ERAP2: variants seen among roughly 807,000 people sequenced by gnomAD.
ERAP2 encodes endoplasmic reticulum aminopeptidase 2, also known as leukocyte-derived arginine aminopeptidase.
A neutral mutation model predicts 111.1 loss-of-function variants in ERAP2; 118 were observed. That is an observed-to-expected ratio of 1.06 (90% CI 0.92 to 1.24). The LOEUF (loss-of-function observed/expected upper bound fraction) is 1.24. Among genes scored for constraint, ERAP2 ranks in the 50% most tolerant of loss-of-function variants. The pLI, the probability that ERAP2 is intolerant of heterozygous loss-of-function variation, is 0.00. For synonymous variants in ERAP2, 410 were observed against 401.2 expected (o/e 1.02, Z -0.26); for missense variants, 1,131 against 1,125.8 (o/e 1.00, Z -0.07).
At chr5:96,907,812 G>A (rs1561393350) in intron 13 of ERAP2, among the ~76,000 whole-genome samples, 1 of 152,004 alleles carries the variant, frequency 6.6e-6, no homozygotes, top group Non-Finnish European at 1.5e-5. Flanking sequence ...GAACCCAGGA[G>A]GCAGAGGTTG....
In ERAP2 at chr5:96,883,893, G is replaced by T. The variant is rs773509300; in HGVS notation, c.677G>T (p.Arg226Ile). The stretch of plus-strand genomic sequence containing the variant: ...GCCAACTTTTCAATCAAGATACGAA[G>T]AGAGAGCAGGCATATTGCACTATCC... ...FKANFSIKIR[R>I]ESRHIALSNM... Residue 226 changes from arginine (R) to isoleucine (I), a missense_variant, in exon 3 of 19, where the codon AGA becomes ATA. Arg to Ile is a moderately conservative substitution (Grantham distance 97). Coordinates refer to ENST00000437043, the MANE Select transcript of ERAP2 (RefSeq NM_022350.5). 3 of 1,613,658 alleles carry T rather than the reference G, an allele frequency of 1.9e-6. No homozygotes were observed. Among genetic ancestry groups the T allele is most frequent in the Non-Finnish European group, 2.5e-6 (3 of 1,179,798 alleles).
At chr5:96,889,363 T>G in intron 5 of ERAP2, 58 bp downstream of exon 5, 1 of 1,572,824 alleles carries the variant, frequency 6.4e-7, no homozygotes, top group African/African-American at 1.3e-5. Flanking sequence ...TGCTTTGATC[T>G]CTTCCCTCTT....
In ERAP2 at chr5:96,912,713, C is replaced by G. The variant is rs144251459; in HGVS notation, c.2431C>G (p.Gln811Glu). ...TTAGWNYLLE[Q>E]YELSMSSAEQ... ...AGCAGGATGGAATTACCTTTTAGAG[C>G]AATATGAACTGTCAATGTCAAGTGC... is the stretch of plus-strand genomic sequence containing the variant. The change falls in exon 16 of 19, where the codon CAA becomes GAA. Residue 811 changes from glutamine (Q) to glutamate (E), a missense_variant. Coordinates refer to ENST00000437043, the MANE Select transcript of ERAP2 (RefSeq NM_022350.5). The G allele has an allele frequency of 1.2e-4, 193 of 1,604,516 alleles. No individual in the cohort carries two copies. Among genetic ancestry groups the G allele is most frequent in the Non-Finnish European group, 1.5e-4 (176 of 1,177,052 alleles).
At chr5:96,902,400 C>T in intron 12 of ERAP2, 47 bp downstream of exon 12, 1 of 1,194,076 alleles carries the variant, frequency 8.4e-7, no homozygotes, top group East Asian at 2.3e-5. Context: ...GGAAATTAAA[C>T]ATGTGTTGAG....
At chr5:96,888,097 C>G (rs919625229) in intron 4 of ERAP2, among the ~76,000 whole-genome samples, 4 of 146,368 alleles carry the variant, frequency 2.7e-5, no homozygotes, top group African/African-American at 1.0e-4. Context: ...GCACTCCAGC[C>G]TGGGTGACAA....
At chr5:96,885,171 G>T (rs964735958) in intron 3 of ERAP2, among the ~76,000 whole-genome samples, 3 of 152,144 alleles carry the variant, frequency 2.0e-5, no homozygotes, top group African/African-American at 7.2e-5. Context: ...TAGCCCAGAC[G>T]TATTTCCCCA....
chr5:96,900,309 C>T, intron 10 of ERAP2, 120 bp downstream of exon 10: 1 of 1,410,514 alleles, frequency 7.1e-7, no homozygotes, highest in South Asian at 1.7e-5. Flanking sequence ...AGAGAGCCCC[C>T]ACGATTTTCT....
chr5:96,909,244 C>A, intron 14 of ERAP2, 127 bp downstream of exon 14: 1 of 829,412 alleles, frequency 1.2e-6, no homozygotes, highest in Non-Finnish European at 1.9e-6. Context: ...TGACTGATAG[C>A]ATGTAATGGT....
intron 17 of ERAP2, among the ~76,000 whole-genome samples, chr5:96,914,148 T>TCTCTCACACA (rs34158080): frequency 2.0e-5 from 3 of 147,982 alleles, no homozygotes; most frequent in Admixed American, 6.7e-5. Flanking sequence ...TCTCTCTCTC[T>TCTCTCACACA]CACACACACA....
chr5:96,901,817 G>C, intron 11 of ERAP2, 136 bp downstream of exon 11: 1 of 851,098 alleles, frequency 1.2e-6, no homozygotes, highest in South Asian at 1.9e-5. Flanking sequence ...AAGTAGACTT[G>C]ATAAGATTTA....
At chr5:96,895,901 C>T (rs946566796) in intron 7 of ERAP2, among the ~76,000 whole-genome samples, 19 of 152,104 alleles carry the variant, frequency 1.2e-4, no homozygotes, top group African/African-American at 2.4e-4. Flanking sequence ...TATATTTAGT[C>T]CAGTACACTA....
chr5:96,886,560 T>C, intron 3 of ERAP2, 95 bp from the exon 4 acceptor site: 1 of 1,106,358 alleles, frequency 9.0e-7, no homozygotes, highest in Non-Finnish European at 1.2e-6. Flanking sequence ...CTTCAGAGTA[T>C]GAGGCTTGCC....
intron 3 of ERAP2, among the ~76,000 whole-genome samples, chr5:96,885,810 C>G (rs1485763164): frequency 6.6e-6 from 1 of 152,176 alleles, no homozygotes; most frequent in African/African-American, 2.4e-5. Flanking sequence ...TGGTGAAGAC[C>G]ATCTCTGAGA....
chr5:96,891,540 ACAC>A (rs1784391780), intron 5 of ERAP2, among the ~76,000 whole-genome samples: 1 of 92,840 alleles, frequency 1.1e-5, no homozygotes. Context: ...ATATATACAC[ACAC>A]ACACACACAC....
At chr5:96,892,273 C>T in intron 5 of ERAP2, 26 bp from the exon 6 acceptor site, 1 of 1,611,818 alleles carries the variant, frequency 6.2e-7, no homozygotes, top group Non-Finnish European at 8.5e-7. Flanking sequence ...CCATAAAACT[C>T]AAGTATGGTT....
At chr5:96,909,904 C>G in intron 15 of ERAP2, 140 bp downstream of exon 15, 1 of 776,086 alleles carries the variant, frequency 1.3e-6, no homozygotes, top group Non-Finnish European at 2.0e-6. Context: ...CTGTTTCATG[C>G]TCTCACATTG....
intron 17 of ERAP2, among the ~76,000 whole-genome samples, chr5:96,914,966 A>AT (rs1195177586): frequency 6.6e-6 from 1 of 151,880 alleles, no homozygotes; most frequent in Non-Finnish European, 1.5e-5. Flanking sequence ...CATGCTTTTA[A>AT]TTTTTTTACC....
chr5:96,882,662 A>G (rs1313943296), intron 2 of ERAP2, among the ~76,000 whole-genome samples: 2 of 152,232 alleles, frequency 1.3e-5, no homozygotes, highest in Non-Finnish European at 2.9e-5. Flanking sequence ...TGTTACAACC[A>G]AAATTTCATG....
intron 5 of ERAP2, among the ~76,000 whole-genome samples, chr5:96,891,854 C>T (rs1784425716): frequency 6.6e-6 from 1 of 152,078 alleles, no homozygotes; most frequent in Admixed American, 6.6e-5. Context: ...AAATTAAAAT[C>T]ATGCATCTTT....
Sources: gnomAD v4.1 joint callset for allele counts (sites outside exome capture counted in the v4.1 genomes callset) on GRCh38, gnomAD v4.1.1 for gene constraint, MANE v1.5 for transcripts, NCBI Gene and HGNC (gene_info 2026-07-23, HGNC 2026-07-21) for gene names.